The following GRIN2A variants were observed in gnomAD, a reference collection of about 807,000 sequenced individuals.
The protein encoded by GRIN2A is glutamate ionotropic receptor NMDA type subunit 2A.
In GRIN2A, 22 loss-of-function variants were observed where a neutral mutation model predicts 113.4. The observed-to-expected ratio is 0.19, with a 90% confidence interval of 0.14 to 0.28. The LOEUF (loss-of-function observed/expected upper bound fraction) is 0.28. Among genes scored for constraint, GRIN2A ranks in the 10% least tolerant of loss-of-function variants. GRIN2A has a pLI of 1.00. For missense variants in GRIN2A, 1,502 were observed against 1,887.0 expected, an observed-to-expected ratio of 0.80 and a Z score of 3.78; for synonymous variants, 827 against 738.4, an observed-to-expected ratio of 1.12 and a Z score of -1.94.
At chr16:9,985,353 A>G (rs2045960559) in intron 2 of GRIN2A, among the ~76,000 whole-genome samples, 1 of 152,198 alleles carries the variant, frequency 6.6e-6, no homozygotes, top group South Asian at 2.1e-4. Flanking sequence ...TTTATTAGTC[A>G]GTGAATTAAG....
At chr16:9,902,108 A>G (rs1425907964) in intron 3 of GRIN2A, among the ~76,000 whole-genome samples, 1 of 152,170 alleles carries the variant, frequency 6.6e-6, no homozygotes, top group Non-Finnish European at 1.5e-5. Context: ...GTTGTTCATC[A>G]ATATCCTCTT....
chr16:9,954,849 A>G (rs964560738), intron 2 of GRIN2A, among the ~76,000 whole-genome samples: 4 of 152,220 alleles, frequency 2.6e-5, no homozygotes, highest in African/African-American at 7.2e-5. Context: ...CCAGAATTCA[A>G]TATGAGTCAA....
chr16:10,045,691 G>A (rs2047246024), intron 2 of GRIN2A, among the ~76,000 whole-genome samples: 1 of 152,228 alleles, frequency 6.6e-6, no homozygotes, highest in Admixed American at 6.5e-5. Flanking sequence ...AGCTGTATTT[G>A]TCTCCTATGA....
Position 9,762,619 on chromosome 16 carries a change from T to A in GRIN2A, c.*530A>T, listed in dbSNP as rs1478543159. 1.3e-5 allele frequency: 3 copies of A among 239,842 alleles called. No individual in the cohort carries two copies. The highest frequency in any genetic ancestry group is 2.5e-5 in the Non-Finnish European group (3 of 121,772). 14.9% of individuals were successfully genotyped at this position (239,842 alleles called of 1,614,324 possible). On this transcript the variant is annotated 3_prime_UTR_variant, in exon 13 of 13. Transcript: ENST00000330684. ...GAAGGCATAACAAGAAAGCTGAAACTGTTACGAGCCAAACTTCCTAATCTC... is the reference window on the plus strand; with the variant it reads ...GAAGGCATAACAAGAAAGCTGAAACAGTTACGAGCCAAACTTCCTAATCTC...
At chr16:9,945,366 C>G (rs148068237) in intron 2 of GRIN2A, among the ~76,000 whole-genome samples, 1 of 152,038 alleles carries the variant, frequency 6.6e-6, no homozygotes, top group East Asian at 1.9e-4. Flanking sequence ...GCAGAAGACA[C>G]ATATGCCAAG....
chr16:9,942,275 C>T (rs750638168), intron 2 of GRIN2A, among the ~76,000 whole-genome samples: 183 of 152,208 alleles, frequency 1.2e-3, no homozygotes, highest in Middle Eastern at 3.4e-3. Context: ...AGTTCAGACT[C>T]CCTAGCCTAC....
chr16:10,076,918 C>A (rs1203200933), intron 2 of GRIN2A, among the ~76,000 whole-genome samples: 1 of 152,200 alleles, frequency 6.6e-6, no homozygotes, highest in Non-Finnish European at 1.5e-5. Flanking sequence ...GCAAAGGGGA[C>A]TTGGCAAATG....
At position 10,056,469 on chromosome 16, in the gene GRIN2A, C is replaced by A. The variant is rs371868511; in HGVS notation, c.415-117918G>T. Among the ~76,000 whole-genome samples the A allele has an allele frequency of 2.0e-4, 30 of 152,314 alleles. No homozygotes were observed. In the South Asian group the frequency reaches 6.2e-3, roughly 32 times the overall value. On this transcript the variant is annotated intron_variant, in intron 2 of 12. Coordinates refer to ENST00000330684, the MANE Select transcript of GRIN2A (RefSeq NM_001134407.3). ...AGCCACCTTCCATTGCTTCATACAT[C>A]CATCTCTTCAACCCTCTAACCACCT...
intron 2 of GRIN2A, among the ~76,000 whole-genome samples, chr16:10,015,266 AAAAAAGAAAAAAAAAAAG>A (rs2046585412): frequency 7.7e-6 from 1 of 130,188 alleles, no homozygotes; most frequent in African/African-American, 3.1e-5. Flanking sequence ...AAAAAAAAAA[AAAAAAGAAAAAAAAAAAG>A]AAAAAGAAAG....
In GRIN2A at chr16:10,180,989, T is replaced by C. The variant is rs188141164; in HGVS notation, c.-18-560A>G. On this transcript the variant is annotated intron_variant, in intron 1 of 12. Transcript: ENST00000330684. This position sits in a 1 kb window ranked among gnomAD's most constrained non-coding sequence, Gnocchi z 7.0. ...GCTGACCCCGCCCCCTACGAGCCCG[T>C]CGTGTGCACCACACACTTTGCTCTA... Among the ~76,000 whole-genome samples the C allele has an allele frequency of 2.0e-5, 3 of 152,258 alleles. No homozygotes were observed. The East Asian group carries it at 5.8e-4, about 29-fold the overall frequency.
At chr16:9,923,999 T>C (rs1483390015) in intron 3 of GRIN2A, among the ~76,000 whole-genome samples, 1 of 150,728 alleles carries the variant, frequency 6.6e-6, no homozygotes, top group Non-Finnish European at 1.5e-5. Context: ...TGGTGGCATG[T>C]GCCTGTAATC....
chr16:9,942,612 T>A (rs1049329923), intron 2 of GRIN2A, among the ~76,000 whole-genome samples: 12 of 151,896 alleles, frequency 7.9e-5, no homozygotes, highest in Non-Finnish European at 1.3e-4. Flanking sequence ...CCTAAGAGGG[T>A]CCTCATCCTA....
chr16:9,955,938 C>T (rs775069764), intron 2 of GRIN2A, among the ~76,000 whole-genome samples: 1 of 152,284 alleles, frequency 6.6e-6, no homozygotes, highest in African/African-American at 2.4e-5. Context: ...TTGGGCATCA[C>T]GCTGACAAAG....
intron 10 of GRIN2A, among the ~76,000 whole-genome samples, chr16:9,804,963 T>C (rs1266923589): frequency 1.3e-5 from 2 of 152,232 alleles, no homozygotes; most frequent in Admixed American, 6.5e-5. Flanking sequence ...CCCATGCTAC[T>C]TTAACCTAGT....
At chr16:10,042,825 T>G (rs72772360) in intron 2 of GRIN2A, among the ~76,000 whole-genome samples, 59 of 152,148 alleles carry the variant, frequency 3.9e-4, no homozygotes, top group African/African-American at 1.3e-3. Context: ...TCTGCCACAT[T>G]TGTGTCTGTA....
chr16:10,086,855 G>A (rs2142070365), intron 2 of GRIN2A, among the ~76,000 whole-genome samples: 1 of 152,300 alleles, frequency 6.6e-6, no homozygotes, highest in East Asian at 1.9e-4. Flanking sequence ...TTAGTGGGCA[G>A]GAATCCTGCC....
At chr16:10,160,384 A>G (rs960886237) in intron 2 of GRIN2A, among the ~76,000 whole-genome samples, 12 of 152,212 alleles carry the variant, frequency 7.9e-5, no homozygotes, top group Non-Finnish European at 1.3e-4. Flanking sequence ...GATGGGTTGT[A>G]GACTTGAGCA....
intron 2 of GRIN2A, among the ~76,000 whole-genome samples, chr16:10,153,830 T>C (rs1305501569): frequency 2.6e-5 from 4 of 152,160 alleles, no homozygotes. Flanking sequence ...GAATTCAAGA[T>C]ATTCATTCAA....
chr16:9,763,512 G>T lies in GRIN2A; in HGVS notation c.4032C>A (p.Phe1344Leu). Residue 1344 changes from phenylalanine to leucine, a missense_variant, in exon 13 of 13, where the codon TTC becomes TTA. Physicochemically the swap from Phe to Leu is conservative, Grantham distance 22. Coordinates refer to ENST00000330684, the MANE Select transcript of GRIN2A (RefSeq NM_001134407.3). ...TCTTGCTGTCCTCCAGACCTTGGGG[G>T]AAAAGGGAGCTTTTTTTCCCCGAGA... ...SKLSGKKSSL[F>L]PQGLEDSKRS... 6.2e-7 allele frequency: 1 copy of T among 1,614,062 alleles called. No individual in the cohort carries two copies. Among genetic ancestry groups the T allele is most frequent in the Non-Finnish European group, 8.5e-7 (1 of 1,179,994 alleles).
Sources: gnomAD v4.1 joint callset for allele counts (sites outside exome capture counted in the v4.1 genomes callset) on GRCh38, gnomAD v4.1.1 for gene constraint, Gnocchi (gnomAD v3.1) non-coding constraint, MANE v1.5 for transcripts, NCBI Gene and HGNC (gene_info 2026-07-23, HGNC 2026-07-21) for gene names.